DGKB: variants seen among roughly 807,000 people sequenced by gnomAD.
DGKB encodes the protein 90 kDa diacylglycerol kinase.
A neutral mutation model predicts 114.3 loss-of-function variants in DGKB; 67 were observed. The ratio of observed to expected loss-of-function variants is 0.59; its 90% CI spans 0.48 to 0.72. DGKB has a LOEUF of 0.72. Among genes scored for constraint, DGKB ranks in the 30% least tolerant of loss-of-function variants. The pLI is 0.00. For synonymous variants in DGKB, 398 were observed against 323.1 expected (o/e 1.23, Z -2.49); for missense variants, 907 against 975.2 (o/e 0.93, Z 0.93).
intron 1 of DGKB, among the ~76,000 whole-genome samples, chr7:14,859,189 G>A (rs1459428274): frequency 6.6e-6 from 1 of 152,072 alleles, no homozygotes; most frequent in African/African-American, 2.4e-5. Flanking sequence ...CAGAGAGTAT[G>A]GGGTGTGGGT....
intron 2 of DGKB, among the ~76,000 whole-genome samples, chr7:14,769,220 A>AAGAG (rs199632692): frequency 4.8e-4 from 57 of 117,952 alleles, no homozygotes; most frequent in South Asian, 2.3e-3. Context: ...AAGAAAGAGA[A>AAGAG]AGAGAGAGAG....
intron 20 of DGKB, among the ~76,000 whole-genome samples, chr7:14,531,586 T>C (rs1161778177): frequency 2.0e-5 from 3 of 151,352 alleles, no homozygotes; most frequent in Non-Finnish European, 4.4e-5. Context: ...TTTATGTTCA[T>C]AGATTGGAAA....
chr7:14,178,405 A>G (rs552394205), intron 23 of DGKB, among the ~76,000 whole-genome samples: 1 of 113,174 alleles, frequency 8.8e-6, no homozygotes, highest in African/African-American at 5.8e-5. Flanking sequence ...TGAGCCAAAT[A>G]ATACCAAAAA....
rs1474713293 is a variant in DGKB at position 14,147,418 on chromosome 7, A to T, written c.*1713T>A. 1 of 152,154 alleles carries T rather than the reference A, an allele frequency of 6.6e-6. No individual in the cohort carries two copies. The highest frequency in any genetic ancestry group is 2.4e-5 in the African/African-American group (1 of 41,454). 9.4% of individuals were successfully genotyped at this position (152,154 alleles called of 1,614,324 possible). On this transcript the variant is annotated 3_prime_UTR_variant, in exon 26 of 26. Coordinates refer to ENST00000402815, the MANE Select transcript of DGKB (RefSeq NM_001350709.2). ...CACTAAAAGAATACACTTTGTACGT[A>T]ATCTTCCATTATAGCACATTGCTTG...
At chr7:14,459,615 A>C (rs746215378) in intron 21 of DGKB, among the ~76,000 whole-genome samples, 1 of 152,208 alleles carries the variant, frequency 6.6e-6, no homozygotes, top group Non-Finnish European at 1.5e-5. Flanking sequence ...AAAAGACCAA[A>C]CCTACGTTTG....
chr7:14,714,419 C>A (rs1035838824), intron 6 of DGKB, among the ~76,000 whole-genome samples: 4 of 151,866 alleles, frequency 2.6e-5, no homozygotes. Flanking sequence ...GGAGTCAGAT[C>A]GGTGTATGCA....
intron 15 of DGKB, among the ~76,000 whole-genome samples, chr7:14,615,851 C>T (rs1478787765): frequency 6.6e-6 from 1 of 151,570 alleles, no homozygotes; most frequent in Non-Finnish European, 1.5e-5. Flanking sequence ...TTCTGGTTTT[C>T]AGAGAGGTCC....
Position 14,913,607 on chromosome 7 carries a change from G to A in DGKB, c.-188+61089C>T, listed in dbSNP as rs1445245893. On this transcript the variant is annotated intron_variant, in intron 1 of 4. Coordinates refer to the DGKB transcript ENST00000437998. ...TCAGAGGAGAGTGATAATAGGAAAAGTAGGTCTGGAAGAGCAAAGAAGGAG... is the reference window on the plus strand; with the variant it reads ...TCAGAGGAGAGTGATAATAGGAAAAATAGGTCTGGAAGAGCAAAGAAGGAG... Among the ~76,000 whole-genome samples, 5 of 151,880 alleles carry A rather than the reference G, an allele frequency of 3.3e-5. No homozygotes were observed. In the East Asian group the frequency reaches 7.7e-4, roughly 23 times the overall value.
At chr7:14,959,362 T>C (rs1786705982) in intron 1 of DGKB, among the ~76,000 whole-genome samples, 1 of 150,468 alleles carries the variant, frequency 6.6e-6, no homozygotes, top group African/African-American at 2.5e-5. Flanking sequence ...ATACCTGCAA[T>C]TTTCAGTGAA....
chr7:14,790,977 C>G (rs1205634275), intron 2 of DGKB, among the ~76,000 whole-genome samples: 1 of 151,866 alleles, frequency 6.6e-6, no homozygotes, highest in East Asian at 1.9e-4. Flanking sequence ...TATTATATTT[C>G]CTTCATCAGA....
At chr7:14,639,851 C>T (rs1263414729) in intron 13 of DGKB, among the ~76,000 whole-genome samples, 1 of 152,136 alleles carries the variant, frequency 6.6e-6, no homozygotes, top group Non-Finnish European at 1.5e-5. Context: ...AGGAACCCAC[C>T]TAAAAGAGTG....
At chr7:14,185,314 T>A (rs1460760997) in intron 23 of DGKB, among the ~76,000 whole-genome samples, 2 of 149,356 alleles carry the variant, frequency 1.3e-5, no homozygotes, top group Non-Finnish European at 3.0e-5. Context: ...AACCAAGGAG[T>A]CGAAAGACCT....
chr7:14,691,878 TA>T (rs778411775), intron 9 of DGKB, among the ~76,000 whole-genome samples: 129 of 151,496 alleles, frequency 8.5e-4, no homozygotes, highest in Non-Finnish European at 1.8e-3. Flanking sequence ...AATAAAACCT[TA>T]GATTTCTCCT....
intron 1 of DGKB, among the ~76,000 whole-genome samples, chr7:14,966,618 C>G (rs1337084932): frequency 6.6e-6 from 1 of 152,066 alleles, no homozygotes; most frequent in Non-Finnish European, 1.5e-5. Flanking sequence ...AGGGAACATT[C>G]AATCAAAGTT....
intron 4 of DGKB, among the ~76,000 whole-genome samples, chr7:14,751,987 A>G (rs368277924): frequency 6.6e-6 from 1 of 152,176 alleles, no homozygotes; most frequent in Non-Finnish European, 1.5e-5. Flanking sequence ...TATTTATTAT[A>G]CATACATTTT....
intron 4 of DGKB, among the ~76,000 whole-genome samples, chr7:14,745,810 T>C (rs1467467075): frequency 6.6e-6 from 1 of 152,096 alleles, no homozygotes; most frequent in African/African-American, 2.4e-5. Flanking sequence ...TGTCGCATGC[T>C]TAATTTTTCC....
intron 23 of DGKB, among the ~76,000 whole-genome samples, chr7:14,241,290 A>G (rs916235365): frequency 2.6e-5 from 4 of 152,058 alleles, no homozygotes; most frequent in African/African-American, 9.7e-5. Flanking sequence ...AATTTCTCCC[A>G]CCTAAAATTT....
chr7:14,538,801 T>A (rs561744775), intron 20 of DGKB, among the ~76,000 whole-genome samples: 1 of 152,104 alleles, frequency 6.6e-6, no homozygotes, highest in African/African-American at 2.4e-5. Context: ...ATTCACCCTT[T>A]AAAAAGATGG....
At chr7:14,561,747 T>G (rs183195128) in intron 20 of DGKB, among the ~76,000 whole-genome samples, 2 of 152,232 alleles carry the variant, frequency 1.3e-5, no homozygotes, top group African/African-American at 4.8e-5. Flanking sequence ...GGAAAGAAAT[T>G]TCTAAGTGGC....
Sources: gnomAD v4.1 joint callset for allele counts (sites outside exome capture counted in the v4.1 genomes callset) on GRCh38, gnomAD v4.1.1 for gene constraint, MANE v1.5 for transcripts, NCBI Gene and HGNC (gene_info 2026-07-23, HGNC 2026-07-21) for gene names.